The following MFN2 variants were observed in gnomAD, a reference collection of about 807,000 sequenced individuals.
The protein encoded by MFN2 is mitofusin-2.
Under a neutral mutation model 87.5 loss-of-function variants are expected in MFN2, and 43 were observed. The observed-to-expected ratio is 0.49, with a 90% CI of 0.38 to 0.63. The LOEUF (loss-of-function observed/expected upper bound fraction) is 0.63. MFN2 is among the 30% of genes least tolerant of loss of function. MFN2 has a pLI of 0.00. For synonymous variants in MFN2, 337 were observed against 359.9 expected (o/e 0.94, Z 0.72); for missense variants, 743 against 972.8 (o/e 0.76, Z 3.14).
chr1:11,989,468 C>T lies in MFN2; in HGVS notation c.175+125C>T, dbSNP rs1638581007. The T allele has an allele frequency of 3.6e-6, 4 of 1,107,936 alleles. No individual in the cohort carries two copies. The East Asian group carries it at 9.9e-5, about 28-fold the overall frequency. The allele number at this position is 1,107,936 out of a possible 1,614,324, so 68.6% of individuals were successfully genotyped here. ...TCATAACCAGATAGCCTTAGAAATGCTCTGCTCTTGAAATCATGTGGAATT... is the reference window on the plus strand; with the variant it reads ...TCATAACCAGATAGCCTTAGAAATGTTCTGCTCTTGAAATCATGTGGAATT... On this transcript the variant is annotated intron_variant, in intron 3 of 18. Coordinates refer to ENST00000235329, the MANE Select transcript of MFN2 (RefSeq NM_014874.4).
intron 3 of MFN2, among the ~76,000 whole-genome samples, chr1:11,991,009 A>G (rs1349658335): frequency 1.3e-5 from 2 of 152,170 alleles, no homozygotes; most frequent in African/African-American, 2.4e-5. Context: ...TGTCAGCCTC[A>G]TAGTTCCCAG....
At chr1:12,002,450 T>G (rs11121847) in intron 11 of MFN2, among the ~76,000 whole-genome samples, 84,824 of 152,198 alleles carry the variant, frequency 0.56, 24,112 homozygotes, top group South Asian at 0.62. Flanking sequence ...TCTCAACACT[T>G]TGGGAGACCA....
chr1:11,994,273 A>C (rs1321028737), intron 4 of MFN2, among the ~76,000 whole-genome samples: 2 of 152,182 alleles, frequency 1.3e-5, no homozygotes, highest in Non-Finnish European at 2.9e-5. Flanking sequence ...AATGTACCTA[A>C]AGTACTAGGC....
Position 12,003,917 on chromosome 1 carries a change from A to G in MFN2, c.1161-75A>G. 4 of 1,603,114 alleles carry G rather than the reference A, an allele frequency of 2.5e-6. No individual in the cohort carries two copies. The highest frequency in any genetic ancestry group is 3.4e-6 in the Non-Finnish European group (4 of 1,171,260). On this transcript the variant is annotated intron_variant, in intron 11 of 18. Transcript: ENST00000235329. This position sits in a 1 kb window ranked among gnomAD's most constrained non-coding sequence, Gnocchi z 4.1. ...AAGATAGCGGGCAGGGCGGCGTGGG[A>G]TTTCTGGCATCCCCTCTTGCTCCTC...
chr1:11,996,418 C>T (rs1638910648), intron 5 of MFN2, 100 bp downstream of exon 5: 3 of 1,426,276 alleles, frequency 2.1e-6, no homozygotes, highest in Non-Finnish European at 2.9e-6. Flanking sequence ...GGCAGCACCA[C>T]CCTGTGGAGG....
rs944937599 is a variant in MFN2, at chr1:12,006,030, A to T, written c.1716+99A>T. On this transcript the variant is annotated intron_variant, in intron 15 of 18. Transcript: ENST00000235329. ...TCTAAAACGGGGGTTCCCTAAGGTC[A>T]GCAGCTGTGGTGGTGTGCCCCACCA... is the stretch of plus-strand genomic sequence containing the variant. The T allele has an allele frequency of 1.7e-5, 20 of 1,165,640 alleles. No homozygotes were observed. In the African/African-American group the frequency reaches 2.3e-4, roughly 13 times the overall value. The allele number at this position is 1,165,640 out of a possible 1,614,324, so 72.2% of individuals were successfully genotyped here.
chr1:12,008,398 G>A (rs1376760759), intron 17 of MFN2, among the ~76,000 whole-genome samples: 52 of 142,134 alleles, frequency 3.7e-4, no homozygotes, highest in Non-Finnish European at 4.9e-4. Context: ...CCTCCCGGAC[G>A]GGGTGGCTGG....
At position 11,996,383 on chromosome 1, in the gene MFN2, C is replaced by T. The variant is rs2236056; in HGVS notation, c.474+65C>T. ...GGGGAGCAAGTCCTCCGTTGTGACA[C>T]GGCTGACCTCACCTCTAGGGAGGGG... On this transcript the variant is annotated intron_variant, in intron 5 of 18. Transcript: ENST00000235329. 0.65 allele frequency: 1,036,604 copies of T among 1,597,284 alleles called. 338,169 individuals carry two copies. Among genetic ancestry groups the T allele is most frequent in the African/African-American group, 0.68 (51,076 of 74,636 alleles).
chr1:12,005,783 C>T lies in MFN2; in HGVS notation c.1568C>T (p.Ser523Phe). 1.9e-6 allele frequency: 3 copies of T among 1,614,208 alleles called. No homozygotes were observed. The highest frequency in any genetic ancestry group is 2.5e-6 in the Non-Finnish European group (3 of 1,180,038). Residue 523 changes from serine (S) to phenylalanine (F), a missense_variant, in exon 15 of 19, where the codon TCC becomes TTC. By Grantham distance (155) the Ser-to-Phe change is radical. Coordinates refer to ENST00000235329, the MANE Select transcript of MFN2 (RefSeq NM_014874.4). ...IDMLVPRQCF[S>F]LNYDLNCDKL... ...ATGCTGGTCCCACGCCAGTGCTTCT[C>T]CCTCAACTATGACCTAAACTGTGAC...
At chr1:11,998,174 G>GC (rs1055140773) in intron 6 of MFN2, among the ~76,000 whole-genome samples, 7 of 151,766 alleles carry the variant, frequency 4.6e-5, no homozygotes, top group African/African-American at 1.7e-4. Context: ...GAGCCACTGT[G>GC]CCCCGCCTGG....
At chr1:12,000,038 A>G (rs1031474838) in intron 8 of MFN2, among the ~76,000 whole-genome samples, 1 of 151,450 alleles carries the variant, frequency 6.6e-6, no homozygotes, top group Non-Finnish European at 1.5e-5. Context: ...TGGAGCTTGC[A>G]GTGAGCTGAG....
At position 12,013,216 on chromosome 1, in the gene MFN2, T is replaced by C. The variant is rs1262339548; in HGVS notation, c.*1651T>C. 1.4e-5 allele frequency: 5 copies of C among 347,510 alleles called. No homozygotes were observed. Among genetic ancestry groups the C allele is most frequent in the Non-Finnish European group, 2.3e-5 (4 of 170,230 alleles). The allele number at this position is 347,510 out of a possible 1,614,324, so 21.5% of individuals were successfully genotyped here. Reference sequence around the variant, plus strand: ...TTTGAAAAAAAAAAATTCTTTAGCGTAAACATGAATTTTTTTTCAATGTAG... The same window carrying C: ...TTTGAAAAAAAAAAATTCTTTAGCGCAAACATGAATTTTTTTTCAATGTAG... On this transcript the variant is annotated 3_prime_UTR_variant, in exon 19 of 19. Transcript: ENST00000235329.
In MFN2 at chr1:12,004,025, A is replaced by C. The variant is rs555006809; in HGVS notation, c.1194A>C (p.Gln398His). 6.2e-7 allele frequency: 1 copy of C among 1,614,246 alleles called. No individual in the cohort carries two copies. Among genetic ancestry groups the C allele is most frequent in the Non-Finnish European group, 8.5e-7 (1 of 1,180,042 alleles). The change falls in exon 12 of 19, where the codon CAA becomes CAC. Residue 398 changes from glutamine to histidine, a missense_variant. Physicochemically the swap from Gln to His is conservative, Grantham distance 24. Transcript: ENST00000235329. The surrounding 1 kb of genome is among the most constrained non-coding windows in gnomAD (Gnocchi z 4.2). ...GCGAGGAAATGCGTGAAGAGCGGCA[A>C]GACCGACTGAAATTTATTGACAAAC... Reference protein sequence around the residue: ...VYCEEMREERQDRLKFIDKQL... With the variant: ...VYCEEMREERHDRLKFIDKQL...
In MFN2 at chr1:12,010,320, C is replaced by T. The variant is rs549339326; in HGVS notation, c.2204+594C>T. Among the ~76,000 whole-genome samples the T allele has an allele frequency of 2.0e-5, 3 of 152,354 alleles. 1 individual carries two copies. Among genetic ancestry groups the T allele is most frequent in the African/African-American group, 7.2e-5 (3 of 41,570 alleles). On this transcript the variant is annotated intron_variant, in intron 18 of 18. Coordinates refer to ENST00000235329, the MANE Select transcript of MFN2 (RefSeq NM_014874.4). ...GTTCACAGCGCCCTGTGCTGAACCG[C>T]AGGGCCTACAGCGCTTAACATGTGC...
rs764856884 is a variant in MFN2 at position 12,004,626 on chromosome 1, G to A, written c.1392+13G>A. On this transcript the variant is annotated intron_variant, in intron 13 of 18. Coordinates refer to ENST00000235329, the MANE Select transcript of MFN2 (RefSeq NM_014874.4). The surrounding 1 kb of genome is among the most constrained non-coding windows in gnomAD (Gnocchi z 4.2). ...GGTTTATAAGAATGTGAGTCATGGAGCAACAGGTCCTCTTGGCAGGAGGCC... is the reference window on the plus strand; with the variant it reads ...GGTTTATAAGAATGTGAGTCATGGAACAACAGGTCCTCTTGGCAGGAGGCC... 6.2e-7 allele frequency: 1 copy of A among 1,611,142 alleles called. No individual in the cohort carries two copies. The highest frequency in any genetic ancestry group is 2.2e-5 in the East Asian group (1 of 44,868).
intron 17 of MFN2, 121 bp downstream of exon 17, chr1:12,007,370 C>T (rs1639472429): frequency 2.3e-6 from 3 of 1,282,204 alleles, no homozygotes; most frequent in Non-Finnish European, 2.2e-6. Context: ...ATCGTAGACC[C>T]TGGGCCTTCA....
At chr1:11,981,880 T>C (rs1037079412) in intron 1 of MFN2, 90 bp from the exon 2 acceptor site, 4 of 151,794 alleles carry the variant, frequency 2.6e-5, no homozygotes, top group Non-Finnish European at 5.9e-5. Context: ...GATGAGTTTG[T>C]TTGGCTTGAA....
intron 4 of MFN2, among the ~76,000 whole-genome samples, chr1:11,994,819 A>C (rs1638840749): frequency 6.6e-6 from 1 of 152,160 alleles, no homozygotes; most frequent in Non-Finnish European, 1.5e-5. Context: ...GGGTGCAGGT[A>C]AGGTCATTGT....
chr1:11,997,735 G>A (rs755385086), intron 6 of MFN2, among the ~76,000 whole-genome samples: 13 of 152,196 alleles, frequency 8.5e-5, no homozygotes, highest in African/African-American at 3.1e-4. Flanking sequence ...GAGTTGTGGC[G>A]GAGTCAGAGG....
Sources: allele counts gnomAD v4.1 joint callset (sites outside exome capture counted in the v4.1 genomes callset), GRCh38; gene constraint gnomAD v4.1.1; non-coding constraint Gnocchi (gnomAD v3.1); transcripts MANE v1.5; gene names NCBI Gene and HGNC (gene_info 2026-07-23, HGNC 2026-07-21).